Variants in OR51B5 observed in about 807,000 individuals in gnomAD.
OR51B5 encodes olfactory receptor family 51 subfamily B member 5, also known as olfactory receptor 51B5.
For synonymous variants in OR51B5, 186 were observed against 144.8 expected (o/e 1.28, Z -2.04); for missense variants, 456 against 374.6 (o/e 1.22, Z -1.79).
At chr11:5,463,783 A>G (rs1210364153) in intron 1 of OR51B5, among the ~76,000 whole-genome samples, 3 of 152,238 alleles carry the variant, frequency 2.0e-5, no homozygotes, top group Admixed American at 6.5e-5. Context: ...GTTTTATGGG[A>G]GAAACCTGTC....
At chr11:5,382,374 A>C (rs2133719623) in intron 1 of OR51B5, among the ~76,000 whole-genome samples, 1 of 152,228 alleles carries the variant, frequency 6.6e-6, no homozygotes, top group African/African-American at 2.4e-5. Flanking sequence ...CCTGGCCCTC[A>C]CCTGTGGGCC....
chr11:5,483,806 C>T (rs748781667), intron 1 of OR51B5, among the ~76,000 whole-genome samples: 7 of 152,130 alleles, frequency 4.6e-5, no homozygotes, highest in Non-Finnish European at 8.8e-5. Flanking sequence ...TAAATAACCC[C>T]GTTTACCAAT....
At chr11:5,443,593 C>T (rs1708490769) in intron 1 of OR51B5, among the ~76,000 whole-genome samples, 1 of 151,892 alleles carries the variant, frequency 6.6e-6, no homozygotes, top group Non-Finnish European at 1.5e-5. Context: ...AATTCATCCA[C>T]AAGATAGGTT....
At chr11:5,372,905 G>A (rs1237900358) in intron 1 of OR51B5, among the ~76,000 whole-genome samples, 3 of 152,140 alleles carry the variant, frequency 2.0e-5, no homozygotes, top group African/African-American at 4.8e-5. Flanking sequence ...GGCAGCACAC[G>A]TTCTGATTTC....
chr11:5,486,655 C>T (rs1329211504), intron 1 of OR51B5, among the ~76,000 whole-genome samples: 3 of 152,174 alleles, frequency 2.0e-5, no homozygotes, highest in Non-Finnish European at 4.4e-5. Flanking sequence ...TCCAGTCTCT[C>T]CTCTGCATTT....
At chr11:5,460,068 A>G (rs1851025148) in intron 1 of OR51B5, among the ~76,000 whole-genome samples, 1 of 152,214 alleles carries the variant, frequency 6.6e-6, no homozygotes, top group Admixed American at 6.5e-5. Flanking sequence ...GCCATAAAAA[A>G]TAAGATCATG....
At chr11:5,462,156 T>C (rs1358577620) in intron 1 of OR51B5, among the ~76,000 whole-genome samples, 1 of 152,208 alleles carries the variant, frequency 6.6e-6, no homozygotes, top group Non-Finnish European at 1.5e-5. Flanking sequence ...CATGGGTATG[T>C]TTCTCGTCCT....
At chr11:5,422,750 C>A in intron 1 of OR51B5, 1 of 1,614,100 alleles carries the variant, frequency 6.2e-7, no homozygotes, top group Non-Finnish European at 8.5e-7. Context: ...TTGCCTCCAC[C>A]AGGATATGAT....
chr11:5,376,461 T>G (rs1203039967), intron 1 of OR51B5, among the ~76,000 whole-genome samples: 3 of 151,792 alleles, frequency 2.0e-5, no homozygotes, highest in Non-Finnish European at 2.9e-5. Context: ...ATAACTAAAA[T>G]CAGAGCAGAA....
chr11:5,351,512 G>A (rs757582473), intron 1 of OR51B5: 1 of 1,607,988 alleles, frequency 6.2e-7, no homozygotes, highest in Non-Finnish European at 8.5e-7. Context: ...CTGGCAATGG[G>A]GCTCAATAAG....
chr11:5,480,574 T>C (rs1284757771), intron 1 of OR51B5, among the ~76,000 whole-genome samples: 3 of 151,574 alleles, frequency 2.0e-5, no homozygotes, highest in African/African-American at 7.3e-5. Flanking sequence ...CAGGAGCTGG[T>C]TTTTTGAAAG....
At chr11:5,356,097 TCA>T (rs1446135833) in intron 1 of OR51B5, among the ~76,000 whole-genome samples, 6 of 152,074 alleles carry the variant, frequency 3.9e-5, no homozygotes, top group African/African-American at 1.4e-4. Flanking sequence ...ATGCAGCTCC[TCA>T]CCAGCAACGG....
chr11:5,478,358 T>G (rs1326964358), intron 1 of OR51B5, among the ~76,000 whole-genome samples: 2 of 150,042 alleles, frequency 1.3e-5, no homozygotes, highest in African/African-American at 2.4e-5. Flanking sequence ...AAAACCCATC[T>G]GTACATCACC....
intron 1 of OR51B5, among the ~76,000 whole-genome samples, chr11:5,349,006 G>C (rs1849035102): frequency 6.6e-6 from 1 of 152,162 alleles, no homozygotes; most frequent in African/African-American, 2.4e-5. Context: ...ATGGGCTCCT[G>C]CTGAGGTGTC....
In OR51B5 at chr11:5,351,588, C is replaced by G. The variant is rs748767204; in HGVS notation, n.85-4678G>C. 20 of 1,614,098 alleles carry G rather than the reference C, an allele frequency of 1.2e-5. No individual in the cohort carries two copies. In the East Asian group the frequency reaches 4.5e-4, roughly 36 times the overall value. On this transcript the variant is annotated intron_variant and non_coding_transcript_variant, in intron 1 of 4. Coordinates refer to the OR51B5 transcript ENST00000415970. The stretch of plus-strand genomic sequence containing the variant: ...AGAAGGCACATCACTGGATATTCAT[C>G]CCATTATTGGCAGCCTACATCTCCA...
At chr11:5,462,490 T>A (rs1851071944) in intron 1 of OR51B5, among the ~76,000 whole-genome samples, 1 of 152,228 alleles carries the variant, frequency 6.6e-6, no homozygotes, top group Admixed American at 6.5e-5. Flanking sequence ...TTAAGCCACC[T>A]ACAGACCTGA....
chr11:5,362,240 G>C (rs892525626), intron 1 of OR51B5, among the ~76,000 whole-genome samples: 7 of 152,168 alleles, frequency 4.6e-5, no homozygotes, highest in Non-Finnish European at 1.0e-4. Flanking sequence ...TCTGTCGGGG[G>C]ATGGGAGTAG....
At chr11:5,443,523 T>C (rs911686761) in intron 1 of OR51B5, among the ~76,000 whole-genome samples, 2 of 151,946 alleles carry the variant, frequency 1.3e-5, no homozygotes, top group South Asian at 4.2e-4. Flanking sequence ...TTTTTTTTTT[T>C]CTTTACCTTT....
intron 1 of OR51B5, among the ~76,000 whole-genome samples, chr11:5,473,852 T>TGA (rs1564825360): frequency 1.2e-4 from 10 of 85,034 alleles, no homozygotes. Context: ...AATTACAAAA[T>TGA]GAGTGTGTGT....
Sources: allele counts gnomAD v4.1 joint callset (sites outside exome capture counted in the v4.1 genomes callset), GRCh38; gene constraint gnomAD v4.1.1; transcripts MANE v1.5; gene names NCBI Gene and HGNC (gene_info 2026-07-23, HGNC 2026-07-21).